Variants in RBFOX1 observed in about 807,000 individuals in gnomAD.
The protein encoded by RBFOX1 is RNA binding fox-1 homolog 1, also known as RNA binding protein fox-1 homolog 1.
Under a neutral mutation model 57.7 loss-of-function variants are expected in RBFOX1, and 8 were observed. The observed-to-expected ratio is 0.14, with a 90% CI of 0.08 to 0.25. The LOEUF (loss-of-function observed/expected upper bound fraction) is 0.25, where lower values mean the gene tolerates loss of function less well. Ranked by LOEUF, RBFOX1 falls within the 10% of genes least tolerant of loss-of-function variation. The probability of loss-of-function intolerance (pLI) is 1.00; values close to 1 mark genes in which losing one functional copy is unlikely to be tolerated. For synonymous variants in RBFOX1, 326 were observed against 222.4 expected (o/e 1.47, Z -4.15); for missense variants, 611 against 548.5 (o/e 1.11, Z -1.14).
intron 3 of RBFOX1, among the ~76,000 whole-genome samples, chr16:6,861,705 G>A (rs1386603770): frequency 1.3e-5 from 2 of 151,724 alleles, no homozygotes; most frequent in African/African-American, 2.4e-5. Flanking sequence ...AATTCGTTTT[G>A]GAAGGCCCGG....
At chr16:5,903,122 G>A (rs540208792) in intron 4 of RBFOX1, among the ~76,000 whole-genome samples, 58 of 152,216 alleles carry the variant, frequency 3.8e-4, no homozygotes, top group Admixed American at 1.3e-3. Context: ...GGGTGTGGGT[G>A]TGTGTATGTG....
intron 1 of RBFOX1, among the ~76,000 whole-genome samples, chr16:5,301,008 G>A (rs1158439317): frequency 6.6e-6 from 1 of 152,158 alleles, no homozygotes; most frequent in Non-Finnish European, 1.5e-5. Context: ...GTGGCTTCCA[G>A]TAGCCTCTGC....
chr16:5,288,659 C>A (rs952832094), intron 1 of RBFOX1, among the ~76,000 whole-genome samples: 11 of 149,930 alleles, frequency 7.3e-5, no homozygotes, highest in Non-Finnish European at 1.0e-4. Flanking sequence ...AAAGAGTTGA[C>A]AATTTTATTT....
At chr16:5,863,328 G>A (rs941003383) in intron 3 of RBFOX1, among the ~76,000 whole-genome samples, 13 of 152,174 alleles carry the variant, frequency 8.5e-5, no homozygotes, top group African/African-American at 3.1e-4. Flanking sequence ...TTTGCACCCT[G>A]CGCTGGTCCA....
chr16:5,727,819 C>G (rs1375749035), intron 3 of RBFOX1, among the ~76,000 whole-genome samples: 3 of 152,184 alleles, frequency 2.0e-5, no homozygotes, highest in African/African-American at 4.8e-5. Flanking sequence ...TGCTGAGTAG[C>G]TGGGACTACA....
chr16:7,353,872 A>G (rs1010607229), intron 4 of RBFOX1, among the ~76,000 whole-genome samples: 1 of 152,164 alleles, frequency 6.6e-6, no homozygotes, highest in Non-Finnish European at 1.5e-5. Flanking sequence ...AATGTTCTGG[A>G]ATTATCTGGA....
intron 3 of RBFOX1, among the ~76,000 whole-genome samples, chr16:7,041,897 A>G (rs2046298936): frequency 6.6e-6 from 1 of 151,010 alleles, no homozygotes; most frequent in African/African-American, 2.4e-5. Flanking sequence ...AAAATTAGAC[A>G]CTTTGCAGGT....
chr16:6,760,899 G>C (rs886294773), intron 3 of RBFOX1, among the ~76,000 whole-genome samples: 1 of 152,106 alleles, frequency 6.6e-6, no homozygotes, highest in Non-Finnish European at 1.5e-5. Flanking sequence ...CTAATGGATA[G>C]ATCTTCCTAG....
At position 5,454,958 on chromosome 16, in the gene RBFOX1, C is replaced by CTTTCTTTCTTTCTTT. The variant is rs1567535928; in HGVS notation, c.220-12258_220-12257insTTTCTTTCTTTCTTT. Reference sequence around the variant, plus strand: ...TCCTTCCTTCCTTCCTTCCTTCCTTCCTTTCTTTCTTTCTTTCTTTCTTTC... The same window carrying CTTTCTTTCTTTCTTT: ...TCCTTCCTTCCTTCCTTCCTTCCTTCTTTCTTTCTTTCTTTCTTTCTTTCTTTCTTTCTTTCTTTC... On this transcript the variant is annotated intron_variant, in intron 1 of 2. Coordinates refer to the RBFOX1 transcript ENST00000585867. 3.0e-4 allele frequency among the ~76,000 whole-genome samples: 9 copies of CTTTCTTTCTTTCTTT among 30,416 alleles called. 1 individual carries two copies. The highest frequency in any genetic ancestry group is 8.8e-4 in the African/African-American group (6 of 6,834). 20.0% of individuals were successfully genotyped at this position (30,416 alleles called of 152,430 possible).
chr16:5,782,870 C>G (rs531763756), intron 3 of RBFOX1, among the ~76,000 whole-genome samples: 2 of 152,284 alleles, frequency 1.3e-5, no homozygotes, highest in East Asian at 3.9e-4. Context: ...TGTTTCAGCT[C>G]AAGCAGGGAT....
chr16:6,216,524 C>T (rs11077014), intron 1 of RBFOX1, among the ~76,000 whole-genome samples: 75,802 of 152,002 alleles, frequency 0.5, 19,020 homozygotes, highest in South Asian at 0.59. Context: ...TTTTGTTGTC[C>T]TGAGTAGCCT....
At chr16:6,612,221 G>T (rs925671758) in intron 2 of RBFOX1, among the ~76,000 whole-genome samples, 1 of 152,090 alleles carries the variant, frequency 6.6e-6, no homozygotes, top group African/African-American at 2.4e-5. Context: ...TTTATAGAGA[G>T]TCCTAGTATA....
At chr16:6,921,212 C>G (rs2074375546) in intron 3 of RBFOX1, among the ~76,000 whole-genome samples, 1 of 152,158 alleles carries the variant, frequency 6.6e-6, no homozygotes, top group South Asian at 2.1e-4. Flanking sequence ...TTACAAATTA[C>G]CCACACACAT....
intron 4 of RBFOX1, among the ~76,000 whole-genome samples, chr16:5,886,179 C>T (rs2057894677): frequency 6.6e-6 from 1 of 152,198 alleles, no homozygotes; most frequent in Admixed American, 6.5e-5. Context: ...AGCCTCTATT[C>T]TTCATAAATT....
At chr16:5,429,173 C>G (rs1035479014) in intron 1 of RBFOX1, among the ~76,000 whole-genome samples, 20 of 152,196 alleles carry the variant, frequency 1.3e-4, no homozygotes, top group African/African-American at 4.8e-4. Flanking sequence ...TAAGTCCCTT[C>G]CAGCCAGAGC....
intron 4 of RBFOX1, among the ~76,000 whole-genome samples, chr16:5,886,140 C>T (rs1341872950): frequency 1.3e-5 from 2 of 152,216 alleles, no homozygotes; most frequent in African/African-American, 2.4e-5. Flanking sequence ...CCTGCTTCCT[C>T]TACAGCTTGT....
intron 1 of RBFOX1, among the ~76,000 whole-genome samples, chr16:5,383,421 C>A (rs990696059): frequency 2.6e-5 from 4 of 152,232 alleles, no homozygotes; most frequent in African/African-American, 4.8e-5. Context: ...GATGGCAGCA[C>A]AGGCACTACA....
chr16:6,967,293 C>G (rs923157351), intron 3 of RBFOX1, among the ~76,000 whole-genome samples: 5 of 152,068 alleles, frequency 3.3e-5, no homozygotes, highest in African/African-American at 1.2e-4. Context: ...ATTATCCATC[C>G]ATTATTTATG....
chr16:5,248,419 C>T (rs1427705163), intron 1 of RBFOX1, among the ~76,000 whole-genome samples: 2 of 152,254 alleles, frequency 1.3e-5, no homozygotes, highest in Non-Finnish European at 2.9e-5. Context: ...TCCCCAGGGC[C>T]TCTGAGAGCC....
Sources: gnomAD v4.1 joint callset for allele counts (sites outside exome capture counted in the v4.1 genomes callset) on GRCh38, gnomAD v4.1.1 for gene constraint, MANE v1.5 for transcripts, NCBI Gene and HGNC (gene_info 2026-07-23, HGNC 2026-07-21) for gene names.